GAS2: variants seen among roughly 807,000 people sequenced by gnomAD.
GAS2 encodes growth arrest specific 2, also known as growth arrest-specific protein 2.
GAS2 carries 20 observed loss-of-function variants against 37.5 expected under a neutral mutation model. The observed-to-expected ratio is 0.53, with a 90% confidence interval of 0.37 to 0.77. The LOEUF (loss-of-function observed/expected upper bound fraction) is 0.77, where lower values mean the gene tolerates loss of function less well. Ranked by LOEUF, GAS2 falls within the 30% of genes least tolerant of loss-of-function variation. GAS2 has a pLI of 0.00. For missense variants in GAS2, 336 were observed against 373.4 expected, an observed-to-expected ratio of 0.90 and a Z score of 0.82; for synonymous variants, 144 against 132.2, an observed-to-expected ratio of 1.09 and a Z score of -0.61.
chr11:22,763,896 C>T (rs114761280), intron 7 of GAS2, among the ~76,000 whole-genome samples: 2,489 of 152,230 alleles, frequency 0.016, 57 homozygotes, highest in African/African-American at 0.047. Flanking sequence ...TCAGGAAATG[C>T]AAGCAATAAC....
At chr11:22,733,135 C>A (rs11026761) in intron 4 of GAS2, among the ~76,000 whole-genome samples, 21,538 of 151,184 alleles carry the variant, frequency 0.14, 1,681 homozygotes, top group East Asian at 0.2. Context: ...ACCATGTGTT[C>A]TTAACCATAT....
At chr11:22,771,261 T>G (rs1854968166) in intron 7 of GAS2, among the ~76,000 whole-genome samples, 1 of 152,188 alleles carries the variant, frequency 6.6e-6, no homozygotes, top group East Asian at 1.9e-4. Flanking sequence ...AATGTTGAGC[T>G]TATTGTTAAA....
intron 7 of GAS2, among the ~76,000 whole-genome samples, chr11:22,767,807 A>C (rs939511049): frequency 1.3e-5 from 2 of 152,200 alleles, no homozygotes; most frequent in Non-Finnish European, 2.9e-5. Context: ...CTGCTGTTAC[A>C]AGATTCACTA....
At chr11:22,699,447 G>C (rs1470307574) in intron 3 of GAS2, among the ~76,000 whole-genome samples, 2 of 152,042 alleles carry the variant, frequency 1.3e-5, no homozygotes, top group Non-Finnish European at 2.9e-5. Context: ...AAAGATATGG[G>C]GGTACTGCTT....
intron 3 of GAS2, among the ~76,000 whole-genome samples, chr11:22,707,969 A>G (rs949680220): frequency 5.9e-5 from 9 of 152,144 alleles, no homozygotes; most frequent in African/African-American, 2.2e-4. Context: ...TAAAGTTTCT[A>G]CATTTGTTTA....
intron 6 of GAS2, among the ~76,000 whole-genome samples, chr11:22,751,415 C>A (rs146785900): frequency 3.7e-4 from 56 of 151,996 alleles, no homozygotes; most frequent in African/African-American, 1.3e-3. Flanking sequence ...TTTAATGAAG[C>A]ATTTACCTTT....
In GAS2 at chr11:22,734,233, T is replaced by A. The variant is rs374245151; in HGVS notation, c.410-3472T>A. Among the ~76,000 whole-genome samples the A allele has an allele frequency of 9.9e-5, 15 of 151,842 alleles. No homozygotes were observed. The South Asian group carries it at 1.5e-3, about 15-fold the overall frequency. ...ACAAAAGAAAATTAAAGGCAAGGTA[T>A]TTGGTGTTTCAAAAACTGACATATG... On this transcript the variant is annotated intron_variant, in intron 4 of 7. Transcript: ENST00000454584.
At chr11:22,756,373 G>T (rs116279175) in intron 7 of GAS2, among the ~76,000 whole-genome samples, 2,100 of 152,184 alleles carry the variant, frequency 0.014, 56 homozygotes, top group African/African-American at 0.048. Context: ...AAAGTAATTT[G>T]CTGCTTTATG....
chr11:22,760,681 G>T (rs1253615855), intron 7 of GAS2, among the ~76,000 whole-genome samples: 1 of 152,160 alleles, frequency 6.6e-6, no homozygotes, highest in Non-Finnish European at 1.5e-5. Flanking sequence ...AAATAGCTCT[G>T]TGTAGAAATG....
intron 4 of GAS2, among the ~76,000 whole-genome samples, chr11:22,737,142 T>C (rs1419807349): frequency 6.6e-6 from 1 of 152,222 alleles, no homozygotes; most frequent in Non-Finnish European, 1.5e-5. Context: ...TAAAATATTA[T>C]TTAATCAGAT....
At chr11:22,691,601 G>C (rs1306641023) in intron 3 of GAS2, among the ~76,000 whole-genome samples, 1 of 152,054 alleles carries the variant, frequency 6.6e-6, no homozygotes, top group African/African-American at 2.4e-5. Flanking sequence ...AAAATTTATT[G>C]TTCTAAATTG....
At chr11:22,660,172 C>A (rs1848900899) in intron 1 of GAS2, among the ~76,000 whole-genome samples, 1 of 152,016 alleles carries the variant, frequency 6.6e-6, no homozygotes, top group African/African-American at 2.4e-5. Context: ...GATACAAGTG[C>A]CTAACACAGA....
Position 22,779,864 on chromosome 11 carries a change from C to T in GAS2, c.723+23911C>T, listed in dbSNP as rs960757570. On this transcript the variant is annotated intron_variant, in intron 7 of 7. Coordinates refer to ENST00000454584, the MANE Select transcript of GAS2 (RefSeq NM_001143830.3). ...GTCCTACAACCAACCAACCTTCCTC[C>T]CCAAATTAGGCCACTGTTAGATTAG... Among the ~76,000 whole-genome samples, 5 of 152,258 alleles carry T rather than the reference C, an allele frequency of 3.3e-5. No homozygotes were observed. The South Asian group carries it at 8.3e-4, about 25-fold the overall frequency.
At chr11:22,738,069 A>G (rs962152875) in intron 5 of GAS2, among the ~76,000 whole-genome samples, 9 of 152,188 alleles carry the variant, frequency 5.9e-5, no homozygotes, top group African/African-American at 1.9e-4. Flanking sequence ...GTTTTATATG[A>G]CAGTTCTCCT....
intron 3 of GAS2, among the ~76,000 whole-genome samples, chr11:22,725,257 G>T (rs1457424995): frequency 6.6e-6 from 1 of 151,952 alleles, no homozygotes; most frequent in Non-Finnish European, 1.5e-5. Context: ...AGTCTATCCA[G>T]GTTCACCCCC....
At chr11:22,699,173 A>G (rs1254557811) in intron 3 of GAS2, among the ~76,000 whole-genome samples, 1 of 152,124 alleles carries the variant, frequency 6.6e-6, no homozygotes, top group African/African-American at 2.4e-5. Context: ...TGACAACTTA[A>G]CTCCATACTC....
At chr11:22,724,702 C>T (rs1852110478) in intron 3 of GAS2, among the ~76,000 whole-genome samples, 1 of 152,008 alleles carries the variant, frequency 6.6e-6, no homozygotes. Flanking sequence ...TATATCTGTG[C>T]ATTTATGCAG....
chr11:22,694,154 G>A (rs187058059), intron 3 of GAS2, among the ~76,000 whole-genome samples: 54 of 152,200 alleles, frequency 3.5e-4, no homozygotes, highest in Non-Finnish European at 5.9e-4. Context: ...TTGTACCCCT[G>A]AACTTAAAAT....
At chr11:22,704,694 G>A (rs960564613) in intron 3 of GAS2, among the ~76,000 whole-genome samples, 5 of 147,916 alleles carry the variant, frequency 3.4e-5, no homozygotes, top group African/African-American at 1.2e-4. Context: ...ATTGTAGATT[G>A]TAGTAAGGAA....
Sources: gnomAD v4.1 joint callset for allele counts (sites outside exome capture counted in the v4.1 genomes callset) on GRCh38, gnomAD v4.1.1 for gene constraint, MANE v1.5 for transcripts, NCBI Gene and HGNC (gene_info 2026-07-23, HGNC 2026-07-21) for gene names.